RAD54B: variants seen among roughly 807,000 people sequenced by gnomAD.
The protein encoded by RAD54B is DNA repair and recombination protein RAD54B.
A neutral mutation model predicts 95.8 loss-of-function variants in RAD54B; 78 were observed. The ratio of observed to expected loss-of-function variants is 0.81; its 90% CI spans 0.68 to 0.98. RAD54B has a LOEUF of 0.98. Among genes scored for constraint, RAD54B ranks in the 50% least tolerant of loss-of-function variants. The pLI is 0.00. For missense variants in RAD54B, 957 were observed against 1,056.6 expected (o/e 0.91, Z 1.31); for synonymous variants, 328 against 354.9 (o/e 0.92, Z 0.85).
intron 3 of RAD54B, among the ~76,000 whole-genome samples, chr8:94,445,692 T>C (rs1812505107): frequency 6.6e-6 from 1 of 151,930 alleles, no homozygotes; most frequent in Admixed American, 6.6e-5. Context: ...TGTATTTAGG[T>C]ACATTAATTT....
Position 94,411,143 on chromosome 8 carries a change from C to T in RAD54B, c.477G>A (p.Leu159=). The T allele has an allele frequency of 6.2e-7, 1 of 1,607,124 alleles. No individual in the cohort carries two copies. Among genetic ancestry groups the T allele is most frequent in the Non-Finnish European group, 8.5e-7 (1 of 1,177,708 alleles). Residue 159 remains leucine, a synonymous_variant, in exon 4 of 15, where the codon TTG becomes TTA. Coordinates refer to ENST00000336148, the MANE Select transcript of RAD54B (RefSeq NM_012415.3). Reference sequence around the variant, plus strand: ...TACCTCTTCCAATGTCTTTGCCTTCCAAATTCTTTAATATAAATGACTTTC... The same window carrying T: ...TACCTCTTCCAATGTCTTTGCCTTCTAAATTCTTTAATATAAATGACTTTC... ...VKGKSFILKN[L]EGKDIGRGIG... is the part of the protein sequence containing the mutation.
intron 3 of RAD54B, among the ~76,000 whole-genome samples, chr8:94,437,850 G>A (rs774257428): frequency 1.2e-4 from 18 of 151,992 alleles, no homozygotes; most frequent in Non-Finnish European, 2.1e-4. Flanking sequence ...CACCAGTTTC[G>A]GTGCTTAGAA....
intron 3 of RAD54B, chr8:94,431,117 A>G (rs1057459260): frequency 1.6e-5 from 15 of 960,162 alleles, no homozygotes; most frequent in Non-Finnish European, 1.9e-5. Context: ...TACATATTAG[A>G]GATTTAATAT....
At chr8:94,452,655 G>A (rs886772714) in intron 3 of RAD54B, among the ~76,000 whole-genome samples, 7 of 151,764 alleles carry the variant, frequency 4.6e-5, no homozygotes, top group Non-Finnish European at 1.0e-4. Flanking sequence ...CCACCACCAC[G>A]CCCAGCTAAT....
chr8:94,460,144 C>A (rs1026803102), intron 2 of RAD54B, among the ~76,000 whole-genome samples: 1 of 140,300 alleles, frequency 7.1e-6, no homozygotes, highest in African/African-American at 2.8e-5. Flanking sequence ...GGCAACAGAG[C>A]GAGACTCCGT....
At chr8:94,436,002 T>C (rs1225705251) in intron 3 of RAD54B, among the ~76,000 whole-genome samples, 1 of 152,172 alleles carries the variant, frequency 6.6e-6, no homozygotes, top group Non-Finnish European at 1.5e-5. Flanking sequence ...TACTTATTGA[T>C]TTTGTTTATA....
chr8:94,431,465 A>T, intron 3 of RAD54B: 1 of 982,088 alleles, frequency 1.0e-6, no homozygotes, highest in Non-Finnish European at 1.2e-6. Context: ...AATCTAGAGA[A>T]TGTTTTAGTG....
At chr8:94,374,846 A>G (rs1211668672) in intron 14 of RAD54B, among the ~76,000 whole-genome samples, 3 of 152,244 alleles carry the variant, frequency 2.0e-5, no homozygotes, top group Non-Finnish European at 4.4e-5. Context: ...ACAAAAAATT[A>G]GGTTGTTAAT....
chr8:94,458,298 T>C lies in RAD54B; in HGVS notation c.274A>G (p.Thr92Ala). ...TGAGGTGGATCTAATGTTGCCAGTG[T>C]AGGTGCTTCAAAACAATATTTTCCA... ...CSGKYCFEAP[T>A]LATLDPPHTV... Residue 92 changes from threonine to alanine, a missense_variant, in exon 3 of 15, where the codon ACA (threonine) becomes GCA (alanine). Physicochemically the swap from Thr to Ala is moderately conservative, Grantham distance 58. Coordinates refer to ENST00000336148, the MANE Select transcript of RAD54B (RefSeq NM_012415.3). The C allele has an allele frequency of 6.2e-7, 1 of 1,609,362 alleles. No individual in the cohort carries two copies. The highest frequency in any genetic ancestry group is 8.5e-7 in the Non-Finnish European group (1 of 1,178,436).
At chr8:94,378,664 T>G in intron 12 of RAD54B, 30 bp from the exon 13 acceptor site, 1 of 1,496,642 alleles carries the variant, frequency 6.7e-7, no homozygotes, top group Non-Finnish European at 9.2e-7. Context: ...ATTCTGAGAG[T>G]ACAGTAGAAA....
At chr8:94,406,031 T>C (rs930253089) in intron 5 of RAD54B, among the ~76,000 whole-genome samples, 11 of 62,522 alleles carry the variant, frequency 1.8e-4, no homozygotes, top group African/African-American at 3.8e-4. Flanking sequence ...CACACACATA[T>C]ATATAAAATT....
intron 3 of RAD54B, among the ~76,000 whole-genome samples, chr8:94,453,559 T>A (rs932850745): frequency 1.3e-5 from 2 of 152,094 alleles, no homozygotes; most frequent in African/African-American, 4.8e-5. Flanking sequence ...AAGGTAGTTC[T>A]AAATGCATTG....
intron 3 of RAD54B, among the ~76,000 whole-genome samples, chr8:94,447,226 C>G (rs1323469490): frequency 6.6e-6 from 1 of 152,164 alleles, no homozygotes; most frequent in Admixed American, 6.5e-5. Flanking sequence ...CACAGACCTA[C>G]TCTATATAAT....
At chr8:94,412,915 T>C (rs1381292776) in intron 3 of RAD54B, among the ~76,000 whole-genome samples, 2 of 152,152 alleles carry the variant, frequency 1.3e-5, no homozygotes, top group Non-Finnish European at 2.9e-5. Context: ...TCTTATAGAC[T>C]AGCAAGGAAT....
intron 12 of RAD54B, 119 bp downstream of exon 12, chr8:94,380,026 C>T (rs1008047145): frequency 2.2e-5 from 26 of 1,167,496 alleles, no homozygotes; most frequent in Admixed American, 1.4e-4. Flanking sequence ...GAGTGCCTCA[C>T]GCAAAATAAG....
chr8:94,427,723 T>C (rs1811977685), intron 3 of RAD54B: 1 of 982,306 alleles, frequency 1.0e-6, no homozygotes, highest in Admixed American at 6.2e-5. Flanking sequence ...CAGTACAAAG[T>C]AGTATCTTGT....
intron 3 of RAD54B, among the ~76,000 whole-genome samples, chr8:94,414,866 A>G (rs911330800): frequency 5.9e-5 from 9 of 152,180 alleles, no homozygotes; most frequent in African/African-American, 1.9e-4. Flanking sequence ...GAAATAAAAG[A>G]GGATACAAAC....
intron 10 of RAD54B, among the ~76,000 whole-genome samples, chr8:94,388,559 C>T (rs776053085): frequency 1.3e-5 from 2 of 152,094 alleles, no homozygotes. Context: ...TGTTTAAGAT[C>T]GAATGACTTT....
At chr8:94,400,496 A>C in intron 6 of RAD54B, 33 bp from the exon 7 acceptor site, 1 of 1,509,316 alleles carries the variant, frequency 6.6e-7, no homozygotes. Flanking sequence ...CTTTAATCAC[A>C]ATAGAAAAAT....
Sources: allele counts gnomAD v4.1 joint callset (sites outside exome capture counted in the v4.1 genomes callset), GRCh38; gene constraint gnomAD v4.1.1; transcripts MANE v1.5; gene names NCBI Gene and HGNC (gene_info 2026-07-23, HGNC 2026-07-21).